MAP2K1: variants seen among roughly 807,000 people sequenced by gnomAD.
MAP2K1 encodes dual specificity mitogen-activated protein kinase kinase 1.
Under a neutral mutation model 46.3 loss-of-function variants are expected in MAP2K1, and 16 were observed. The observed-to-expected ratio is 0.35, with a 90% confidence interval of 0.23 to 0.52. The LOEUF is 0.52. Among genes scored for constraint, MAP2K1 ranks in the 20% least tolerant of loss-of-function variants. The pLI is 0.94. For missense variants in MAP2K1, 263 were observed against 497.1 expected (o/e 0.53, Z 4.48); for synonymous variants, 183 against 185.6 (o/e 0.99, Z 0.11).
chr15:66,437,003 C>A, intron 3 of MAP2K1, 111 bp downstream of exon 3: 1 of 1,127,966 alleles, frequency 8.9e-7, no homozygotes, highest in Non-Finnish European at 1.3e-6. Context: ...TCCTGGGATC[C>A]ACATCACTAT....
intron 5 of MAP2K1, among the ~76,000 whole-genome samples, chr15:66,452,881 C>G (rs1015503317): frequency 2.6e-5 from 4 of 152,188 alleles, no homozygotes; most frequent in Non-Finnish European, 4.4e-5. Flanking sequence ...TTATGTTTGT[C>G]TCTCATTAAC....
chr15:66,481,716 G>C (rs1231995482), intron 5 of MAP2K1, 39 bp from the exon 6 acceptor site: 1 of 1,607,482 alleles, frequency 6.2e-7, no homozygotes, highest in Non-Finnish European at 8.5e-7. Flanking sequence ...CAATCTACCT[G>C]TGTCAGTTCC....
chr15:66,481,929 G>A (rs58205072), intron 6 of MAP2K1, 50 bp downstream of exon 6: 1 of 1,596,376 alleles, frequency 6.3e-7, no homozygotes, highest in Non-Finnish European at 8.5e-7. Context: ...GTCAGGGAGA[G>A]GAGCCCAGTG....
intron 1 of MAP2K1, among the ~76,000 whole-genome samples, chr15:66,418,444 TTTTC>T: frequency 6.6e-6 from 1 of 152,296 alleles, no homozygotes; most frequent in Non-Finnish European, 1.5e-5. Flanking sequence ...AAAAAGCTCT[TTTTC>T]TTTTTTTAAA....
Position 66,463,607 on chromosome 15 carries a change from C to T in MAP2K1, c.569-18148C>T, listed in dbSNP as rs554249969. ...AAGCGATTCTCCTGCGTCAGCCTCCCGAGTAGCCGGGATTACAGGCGCCTG... is the reference window on the plus strand; with the variant it reads ...AAGCGATTCTCCTGCGTCAGCCTCCTGAGTAGCCGGGATTACAGGCGCCTG... On this transcript the variant is annotated intron_variant, in intron 5 of 10. Coordinates refer to ENST00000307102, the MANE Select transcript of MAP2K1 (RefSeq NM_002755.4). 2.6e-5 allele frequency among the ~76,000 whole-genome samples: 4 copies of T among 152,298 alleles called. No individual in the cohort carries two copies. In the South Asian group the frequency reaches 6.2e-4, roughly 24 times the overall value.
At chr15:66,438,443 T>C (rs185777039) in intron 3 of MAP2K1, among the ~76,000 whole-genome samples, 156 of 152,306 alleles carry the variant, frequency 1.0e-3, no homozygotes, top group Middle Eastern at 6.8e-3. Context: ...GCTTCTTCAT[T>C]TACATTGACC....
chr15:66,437,398 T>A (rs572594364), intron 3 of MAP2K1, among the ~76,000 whole-genome samples: 5 of 152,350 alleles, frequency 3.3e-5, no homozygotes, highest in African/African-American at 4.8e-5. Flanking sequence ...TAGCTGCCAA[T>A]CATTTTACCA....
intron 8 of MAP2K1, among the ~76,000 whole-genome samples, chr15:66,488,196 G>A (rs186422652): frequency 3.9e-5 from 6 of 152,292 alleles, no homozygotes; most frequent in Admixed American, 6.5e-5. Context: ...GCTGCCTCTG[G>A]AGGCCAAGCT....
chr15:66,435,972 A>G (rs78136741), intron 2 of MAP2K1, among the ~76,000 whole-genome samples: 27,371 of 152,056 alleles, frequency 0.18, 3,141 homozygotes, highest in Middle Eastern at 0.29. Context: ...TCCCTTTCCT[A>G]TCTACCCTTG....
Position 66,400,184 on chromosome 15 carries a change from C to T in MAP2K1, c.80+12757C>T, listed in dbSNP as rs149019713. On this transcript the variant is annotated intron_variant, in intron 1 of 10. Coordinates refer to ENST00000307102, the MANE Select transcript of MAP2K1 (RefSeq NM_002755.4). ...AACTAGCAAAAAAAAACCTTTTCTGCTGGCTTTTCTTTTCTTTTCATTTAA... is the reference window on the plus strand; with the variant it reads ...AACTAGCAAAAAAAAACCTTTTCTGTTGGCTTTTCTTTTCTTTTCATTTAA... Among the ~76,000 whole-genome samples, 47 of 152,130 alleles carry T rather than the reference C, an allele frequency of 3.1e-4. No individual in the cohort carries two copies. In the East Asian group the frequency reaches 8.3e-3, roughly 27 times the overall value.
intron 1 of MAP2K1, among the ~76,000 whole-genome samples, chr15:66,389,721 C>T (rs552808709): frequency 2.6e-5 from 4 of 151,894 alleles, no homozygotes; most frequent in Non-Finnish European, 5.9e-5. Flanking sequence ...ACTACAGGCA[C>T]GTGCAACCGT....
intron 1 of MAP2K1, among the ~76,000 whole-genome samples, chr15:66,400,642 G>C (rs2093379188): frequency 6.6e-6 from 1 of 152,168 alleles, no homozygotes; most frequent in Non-Finnish European, 1.5e-5. Context: ...TCCCAAGAGA[G>C]CTGTTTAGAG....
At chr15:66,403,563 G>A (rs2093387812) in intron 1 of MAP2K1, among the ~76,000 whole-genome samples, 1 of 152,138 alleles carries the variant, frequency 6.6e-6, no homozygotes, top group Non-Finnish European at 1.5e-5. Flanking sequence ...GTTACCAGAA[G>A]GGTTCAGAAT....
intron 3 of MAP2K1, among the ~76,000 whole-genome samples, chr15:66,438,916 A>G (rs2140589213): frequency 6.6e-6 from 1 of 152,330 alleles, no homozygotes; most frequent in Middle Eastern, 3.4e-3. Context: ...GGGTGTACAT[A>G]GACCCAGAGG....
At chr15:66,484,552 T>C (rs1892992076) in intron 6 of MAP2K1, among the ~76,000 whole-genome samples, 1 of 152,166 alleles carries the variant, frequency 6.6e-6, no homozygotes, top group Non-Finnish European at 1.5e-5. Flanking sequence ...CCCAGATCTT[T>C]TGTTCTATGT....
intron 5 of MAP2K1, among the ~76,000 whole-genome samples, chr15:66,478,473 T>TATATATATACAGGTATATATATATACAC (rs1892830252): frequency 5.2e-5 from 5 of 96,392 alleles, no homozygotes; most frequent in African/African-American, 2.2e-4. Flanking sequence ...TATATATATA[T>TATATATATACAGGTATATATATATACAC]ACAGGTGTAT....
At position 66,445,405 on chromosome 15, in the gene MAP2K1, C is replaced by G. The variant is rs373312216; in HGVS notation, c.568+698C>G. Among the ~76,000 whole-genome samples, 267 of 152,038 alleles carry G rather than the reference C, an allele frequency of 1.8e-3. 2 individuals are homozygous for G. Among genetic ancestry groups the G allele is most frequent in the African/African-American group, 6.3e-3 (260 of 41,468 alleles). ...AGACACAGTCTCAAAACAACAACAACAAGAAGAACAAAACACATTAAAAAA... is the reference window on the plus strand; with the variant it reads ...AGACACAGTCTCAAAACAACAACAAGAAGAAGAACAAAACACATTAAAAAA... On this transcript the variant is annotated intron_variant, in intron 5 of 10. Coordinates refer to ENST00000307102, the MANE Select transcript of MAP2K1 (RefSeq NM_002755.4).
intron 1 of MAP2K1, among the ~76,000 whole-genome samples, chr15:66,409,206 A>G (rs2093405465): frequency 6.6e-6 from 1 of 152,090 alleles, no homozygotes; most frequent in African/African-American, 2.4e-5. Flanking sequence ...ATTCTGGTTA[A>G]AGGACTTGTG....
intron 1 of MAP2K1, among the ~76,000 whole-genome samples, chr15:66,424,583 C>T (rs57576492): frequency 0.1 from 15,475 of 152,040 alleles, 982 homozygotes; most frequent in East Asian, 0.34. Context: ...TTGCACTTAG[C>T]GGGGAGCCTG....
Sources: allele counts gnomAD v4.1 joint callset (sites outside exome capture counted in the v4.1 genomes callset), GRCh38; gene constraint gnomAD v4.1.1; transcripts MANE v1.5; gene names NCBI Gene and HGNC (gene_info 2026-07-23, HGNC 2026-07-21).